The following TENM4 variants were observed in gnomAD, a reference collection of about 807,000 sequenced individuals.
The protein encoded by TENM4 is teneurin transmembrane protein 4, also known as teneurin-4.
Under a neutral mutation model 243.3 loss-of-function variants are expected in TENM4, and 82 were observed. The ratio of observed to expected loss-of-function variants is 0.34; its 90% confidence interval spans 0.28 to 0.40. The LOEUF (loss-of-function observed/expected upper bound fraction) is 0.40. TENM4 is among the 10% of genes least tolerant of loss of function. The pLI is 1.00. For synonymous variants in TENM4, 1,412 were observed against 1,456.3 expected, an observed-to-expected ratio of 0.97 and a Z score of 0.69; for missense variants, 3,138 against 3,673.3, an observed-to-expected ratio of 0.85 and a Z score of 3.77.
chr11:79,035,109 C>T (rs922954001), intron 6 of TENM4, among the ~76,000 whole-genome samples: 1 of 152,170 alleles, frequency 6.6e-6, no homozygotes, highest in African/African-American at 2.4e-5. Flanking sequence ...ATTGCCTCTG[C>T]TGTTCTGAGC....
chr11:79,327,595 G>A (rs1287532998), intron 1 of TENM4, among the ~76,000 whole-genome samples: 4 of 150,140 alleles, frequency 2.7e-5, no homozygotes, highest in Admixed American at 2.6e-4. Context: ...AGTGACTTGT[G>A]CATGTTGCCC....
At chr11:79,315,891 AG>A (rs1393010896) in intron 1 of TENM4, among the ~76,000 whole-genome samples, 2 of 152,382 alleles carry the variant, frequency 1.3e-5, no homozygotes, top group Non-Finnish European at 1.5e-5. Flanking sequence ...CTGGTGCAAA[AG>A]TAATTGCACT....
chr11:78,801,345 G>A (rs554952592), intron 15 of TENM4, among the ~76,000 whole-genome samples: 19 of 152,266 alleles, frequency 1.2e-4, no homozygotes, highest in Non-Finnish European at 2.4e-4. Context: ...TCCCACTGGG[G>A]CCTATGTCCT....
chr11:78,912,686 T>C (rs1162396691), intron 6 of TENM4, among the ~76,000 whole-genome samples: 1 of 152,226 alleles, frequency 6.6e-6, no homozygotes, highest in African/African-American at 2.4e-5. Flanking sequence ...GAGAGTGCCC[T>C]ACTGCCCTTT....
intron 1 of TENM4, among the ~76,000 whole-genome samples, chr11:79,426,304 C>T (rs1859048705): frequency 6.6e-6 from 1 of 152,188 alleles, no homozygotes; most frequent in Admixed American, 6.5e-5. Flanking sequence ...ACAACCAGCA[C>T]CTCCTGGAGA....
chr11:79,192,744 A>G (rs964660313), intron 3 of TENM4, among the ~76,000 whole-genome samples: 12 of 148,838 alleles, frequency 8.1e-5, no homozygotes, highest in Non-Finnish European at 1.6e-4. Flanking sequence ...AGAATGATCA[A>G]TAAAAAAAAA....
chr11:78,831,347 A>G (rs1428528221), intron 12 of TENM4, among the ~76,000 whole-genome samples: 1 of 152,248 alleles, frequency 6.6e-6, no homozygotes, highest in Non-Finnish European at 1.5e-5. Context: ...CCCAGCTCCC[A>G]GCTCCCAGCT....
intron 1 of TENM4, among the ~76,000 whole-genome samples, chr11:79,366,545 C>T (rs532693193): frequency 3.3e-5 from 5 of 152,318 alleles, no homozygotes; most frequent in African/African-American, 1.2e-4. Flanking sequence ...GCTCCTCTCA[C>T]AGTGTGATCT....
intron 6 of TENM4, among the ~76,000 whole-genome samples, chr11:79,018,240 T>G (rs193014157): frequency 2.0e-5 from 3 of 152,270 alleles, no homozygotes; most frequent in Non-Finnish European, 2.9e-5. Context: ...GTTCTTCCAG[T>G]GTAATTATTA....
intron 9 of TENM4, among the ~76,000 whole-genome samples, chr11:78,880,246 T>C (rs1047437721): frequency 6.6e-6 from 1 of 152,212 alleles, no homozygotes; most frequent in Admixed American, 6.5e-5. Context: ...AAACAGATGC[T>C]TGAAGGCAGC....
intron 6 of TENM4, among the ~76,000 whole-genome samples, chr11:78,915,979 A>T (rs1178999441): frequency 6.6e-6 from 1 of 152,214 alleles, no homozygotes; most frequent in African/African-American, 2.4e-5. Flanking sequence ...GTGGGTAAGC[A>T]CTGTGGCTCA....
intron 6 of TENM4, among the ~76,000 whole-genome samples, chr11:79,054,548 G>C (rs1352253417): frequency 1.3e-5 from 2 of 151,314 alleles, no homozygotes; most frequent in East Asian, 1.9e-4. Context: ...GCCCAGGCTA[G>C]AGTTCAGTGG....
At chr11:78,748,880 A>C (rs1856116176) in intron 19 of TENM4, among the ~76,000 whole-genome samples, 1 of 152,082 alleles carries the variant, frequency 6.6e-6, no homozygotes, top group African/African-American at 2.4e-5. Context: ...TCTTCCAAAC[A>C]ACCTGGCAGG....
At chr11:78,835,483 T>C (rs1378956125) in intron 12 of TENM4, among the ~76,000 whole-genome samples, 2 of 152,188 alleles carry the variant, frequency 1.3e-5, no homozygotes, top group Non-Finnish European at 2.9e-5. Context: ...TCTAGCCTGG[T>C]GACAGAGCAA....
At chr11:78,961,202 C>A (rs377384774) in intron 6 of TENM4, among the ~76,000 whole-genome samples, 1 of 152,330 alleles carries the variant, frequency 6.6e-6, no homozygotes, top group Middle Eastern at 3.4e-3. Context: ...AACACAAAAC[C>A]TACAGTGTTA....
chr11:79,104,034 T>C (rs542506367), intron 4 of TENM4, among the ~76,000 whole-genome samples: 395 of 152,292 alleles, frequency 2.6e-3, no homozygotes, highest in African/African-American at 9.0e-3. Flanking sequence ...TATCCCAGAT[T>C]TCATTTGGGT....
chr11:78,684,711 C>G lies in TENM4; in HGVS notation c.5260+3343G>C, dbSNP rs573377575. 7.9e-4 allele frequency among the ~76,000 whole-genome samples: 120 copies of G among 152,290 alleles called. 3 individuals are homozygous for G. The South Asian group carries it at 0.024, about 31-fold the overall frequency. On this transcript the variant is annotated intron_variant, in intron 29 of 33. Coordinates refer to ENST00000278550, the MANE Select transcript of TENM4 (RefSeq NM_001098816.3). The stretch of plus-strand genomic sequence containing the variant: ...TGACTGGGGCAAGCTACCTAACCTC[C>G]GAGTGCTTCTCACTGCCTTCATGCA...
At chr11:79,092,595 G>A (rs1383376328) in intron 4 of TENM4, among the ~76,000 whole-genome samples, 1 of 152,204 alleles carries the variant, frequency 6.6e-6, no homozygotes, top group Non-Finnish European at 1.5e-5. Context: ...CCTGGAAAGG[G>A]TTCATGCTGC....
intron 1 of TENM4, among the ~76,000 whole-genome samples, chr11:79,388,744 G>A (rs1335945071): frequency 6.6e-6 from 1 of 152,202 alleles, no homozygotes; most frequent in Non-Finnish European, 1.5e-5. Flanking sequence ...AGTCATGGAG[G>A]GTTCCAAGAG....
Sources: allele counts gnomAD v4.1 joint callset (sites outside exome capture counted in the v4.1 genomes callset), GRCh38; gene constraint gnomAD v4.1.1; transcripts MANE v1.5; gene names NCBI Gene and HGNC (gene_info 2026-07-23, HGNC 2026-07-21).